The following CACNA1D variants were observed in gnomAD, a reference collection of about 807,000 sequenced individuals.
The protein encoded by CACNA1D is calcium voltage-gated channel subunit alpha1 D.
In CACNA1D, 55 loss-of-function variants were observed where a neutral mutation model predicts 257.1. That is an observed-to-expected ratio of 0.21 (90% CI 0.17 to 0.27). The LOEUF is 0.27. Ranked by LOEUF, CACNA1D falls within the 10% of genes least tolerant of loss-of-function variation. The probability of loss-of-function intolerance (pLI) is 1.00; values close to 1 mark genes in which losing one functional copy is unlikely to be tolerated. For synonymous variants in CACNA1D, 980 were observed against 1,014.9 expected, an observed-to-expected ratio of 0.97 and a Z score of 0.65; for missense variants, 1,876 against 2,784.0, an observed-to-expected ratio of 0.67 and a Z score of 7.34.
At chr3:53,645,509 G>C (rs1576213597) in intron 3 of CACNA1D, among the ~76,000 whole-genome samples, 1 of 152,090 alleles carries the variant, frequency 6.6e-6, no homozygotes, top group African/African-American at 2.4e-5. Context: ...GGTGAGAGAA[G>C]GGTCTGATTT....
At chr3:53,573,534 T>C (rs1171685341) in intron 3 of CACNA1D, among the ~76,000 whole-genome samples, 2 of 152,234 alleles carry the variant, frequency 1.3e-5, no homozygotes, top group Non-Finnish European at 2.9e-5. Flanking sequence ...AAACTGCACC[T>C]GCCCCTGACA....
At chr3:53,710,305 C>T in intron 9 of CACNA1D, 1 of 432,868 alleles carries the variant, frequency 2.3e-6, no homozygotes, top group Non-Finnish European at 4.7e-6. Context: ...GGCAACCTGG[C>T]TGGCAGGGCT....
chr3:53,805,749 T>G (rs1241900269), intron 45 of CACNA1D, among the ~76,000 whole-genome samples: 2 of 130,740 alleles, frequency 1.5e-5, no homozygotes, highest in African/African-American at 2.9e-5. Context: ...CTCCCTCATC[T>G]TCCCTCCTCC....
intron 3 of CACNA1D, among the ~76,000 whole-genome samples, chr3:53,533,331 A>AAATC (rs889708514): frequency 6.6e-5 from 10 of 152,168 alleles, no homozygotes; most frequent in African/African-American, 2.4e-4. Flanking sequence ...CTACGTTTAA[A>AAATC]AATCGCGTAT....
At chr3:53,792,618 TTCCAAGCATCCTGGGAGGGCAG>T (rs2095489355) in intron 40 of CACNA1D, among the ~76,000 whole-genome samples, 1 of 151,920 alleles carries the variant, frequency 6.6e-6, no homozygotes, top group Non-Finnish European at 1.5e-5. Context: ...GTGGACACCC[TTCCAAGCATCCTGGGAGGGCAG>T]GAGTCCCAAA....
At chr3:53,518,997 C>T (rs921041643) in intron 3 of CACNA1D, among the ~76,000 whole-genome samples, 1 of 152,238 alleles carries the variant, frequency 6.6e-6, no homozygotes, top group Non-Finnish European at 1.5e-5. Flanking sequence ...AGAATTCCTT[C>T]ACCTTTTCTC....
Position 53,774,756 on chromosome 3 carries a change from G to A in CACNA1D, c.4202+78G>A, listed in dbSNP as rs2095387522. 1 of 824,196 alleles carries A rather than the reference G, an allele frequency of 1.2e-6. No homozygotes were observed. The highest frequency in any genetic ancestry group is 1.4e-5 in the South Asian group (1 of 73,654). 51.1% of individuals were successfully genotyped at this position (824,196 alleles called of 1,614,324 possible). On this transcript the variant is annotated intron_variant, in intron 34 of 47. Coordinates refer to ENST00000350061, the MANE Select transcript of CACNA1D (RefSeq NM_001128840.3). This position sits in a 1 kb window ranked among gnomAD's most constrained non-coding sequence, Gnocchi z 4.3. ...TGGGTCCAGAGGGACGGAGGACACA[G>A]GTTATTAAAGCAGTGTGCCTTTCTC...
intron 31 of CACNA1D, 61 bp downstream of exon 31, chr3:53,770,078 C>A (rs1177330179): frequency 7.4e-7 from 1 of 1,350,282 alleles, no homozygotes. Flanking sequence ...TTGACCATGT[C>A]GAGTTTTCCA....
chr3:53,526,020 A>G (rs894654747), intron 3 of CACNA1D, among the ~76,000 whole-genome samples: 25 of 152,190 alleles, frequency 1.6e-4, no homozygotes, highest in African/African-American at 6.0e-4. Flanking sequence ...TAATTGCAGG[A>G]TGGCTGCCAA....
intron 4 of CACNA1D, among the ~76,000 whole-genome samples, chr3:53,658,052 C>A (rs369347975): frequency 6.6e-6 from 1 of 152,204 alleles, no homozygotes; most frequent in East Asian, 1.9e-4. Context: ...GTATGTGACT[C>A]CTCATTCTGG....
intron 3 of CACNA1D, among the ~76,000 whole-genome samples, chr3:53,609,129 G>A (rs1050734652): frequency 2.0e-5 from 3 of 152,172 alleles, no homozygotes; most frequent in Admixed American, 6.5e-5. Context: ...CAAGTTATTA[G>A]GCCGGGCGCT....
chr3:53,582,497 G>T (rs143480951), intron 3 of CACNA1D, among the ~76,000 whole-genome samples: 1 of 152,106 alleles, frequency 6.6e-6, no homozygotes, highest in Non-Finnish European at 1.5e-5. Flanking sequence ...GAAAAGAGGG[G>T]CATTAGAGCT....
chr3:53,762,133 T>C (rs1353872499), intron 30 of CACNA1D, 52 bp downstream of exon 30: 1 of 1,105,834 alleles, frequency 9.0e-7, no homozygotes, highest in South Asian at 1.2e-5. Context: ...CCTCTGTCTG[T>C]GCATACTCCG....
At chr3:53,656,304 G>T (rs1404969088) in intron 4 of CACNA1D, among the ~76,000 whole-genome samples, 1 of 151,986 alleles carries the variant, frequency 6.6e-6, no homozygotes, top group Non-Finnish European at 1.5e-5. Context: ...TTTTTTTCTA[G>T]TTATGTGAAG....
chr3:53,547,045 C>CA (rs1385471092), intron 3 of CACNA1D, among the ~76,000 whole-genome samples: 1 of 151,946 alleles, frequency 6.6e-6, no homozygotes, highest in African/African-American at 2.4e-5. Context: ...CCATGCCATG[C>CA]AAAAAAAGAG....
intron 21 of CACNA1D, among the ~76,000 whole-genome samples, chr3:53,740,633 T>C (rs1260539325): frequency 6.6e-6 from 1 of 152,134 alleles, no homozygotes; most frequent in Non-Finnish European, 1.5e-5. Context: ...GAAGGATTTT[T>C]TTTTCCTGTG....
chr3:53,643,183 C>G (rs2093981001), intron 3 of CACNA1D, among the ~76,000 whole-genome samples: 2 of 152,178 alleles, frequency 1.3e-5, no homozygotes, highest in Non-Finnish European at 2.9e-5. Flanking sequence ...AAACAGACTA[C>G]TGTAGCCAGT....
At chr3:53,666,922 A>C (rs2094270946) in intron 7 of CACNA1D, among the ~76,000 whole-genome samples, 1 of 152,144 alleles carries the variant, frequency 6.6e-6, no homozygotes, top group African/African-American at 2.4e-5. Flanking sequence ...GGCTAAGGTT[A>C]ATCATTTATA....
At chr3:53,718,204 C>G in intron 9 of CACNA1D, 97 bp from the exon 10 acceptor site, 1 of 1,017,028 alleles carries the variant, frequency 9.8e-7, no homozygotes, top group Non-Finnish European at 1.6e-6. Context: ...CTCCTGGGTT[C>G]CGGAGGTCTG....
Sources: allele counts gnomAD v4.1 joint callset (sites outside exome capture counted in the v4.1 genomes callset), GRCh38; gene constraint gnomAD v4.1.1; non-coding constraint Gnocchi (gnomAD v3.1); transcripts MANE v1.5; gene names NCBI Gene and HGNC (gene_info 2026-07-23, HGNC 2026-07-21).